The following ADAMTS16 variants were observed in gnomAD, a reference collection of about 807,000 sequenced individuals.
ADAMTS16 encodes the protein ADAM metallopeptidase with thrombospondin type 1 motif 16.
In ADAMTS16, 94 loss-of-function variants were observed where a neutral mutation model predicts 145.8. The observed-to-expected ratio is 0.64, with a 90% CI of 0.55 to 0.77. The LOEUF (loss-of-function observed/expected upper bound fraction) is 0.77, where lower values mean the gene tolerates loss of function less well. ADAMTS16 is among the 30% of genes least tolerant of loss of function. The pLI is 0.00. For synonymous variants in ADAMTS16, 659 were observed against 604.3 expected (o/e 1.09, Z -1.33); for missense variants, 1,585 against 1,591.5 (o/e 1.00, Z 0.07).
rs1243809938 is a variant in ADAMTS16, at chr5:5,306,529, C to T, written c.3212C>T (p.Thr1071Ile). 6.2e-7 allele frequency: 1 copy of T among 1,613,832 alleles called. No individual in the cohort carries two copies. The highest frequency in any genetic ancestry group is 2.2e-5 in the East Asian group (1 of 44,860). Residue 1071 changes from threonine (T) to isoleucine (I), a missense_variant, in exon 21 of 23, where the codon ACA becomes ATA. Thr to Ile is a moderately conservative substitution (Grantham distance 89, BLOSUM62 -1). Transcript: ENST00000274181. ...TGCTCTGTGACATGTGAAAGAGGAA[C>T]ACAGAAAAGATTCTTAAAATGTGCT... Reference protein sequence around the residue: ...SQCSVTCERGTQKRFLKCAEK... With the variant: ...SQCSVTCERGIQKRFLKCAEK...
chr5:5,147,281 T>A (rs1351286), intron 3 of ADAMTS16, among the ~76,000 whole-genome samples: 113,342 of 152,156 alleles, frequency 0.74, 42,347 homozygotes, highest in Admixed American at 0.81. Context: ...TGAAAATGTG[T>A]GGTCAACAGT....
At chr5:5,207,830 T>C (rs889619386) in intron 9 of ADAMTS16, among the ~76,000 whole-genome samples, 2 of 152,142 alleles carry the variant, frequency 1.3e-5, no homozygotes, top group African/African-American at 2.4e-5. Flanking sequence ...ATTACATTAA[T>C]TGACTTTAGA....
At position 5,242,115 on chromosome 5, in the gene ADAMTS16, C is replaced by T. The variant is rs77812048; in HGVS notation, c.2586C>T (p.Thr862=). The change falls in exon 17 of 23, where the codon ACC becomes ACT. Residue 862 remains threonine, a synonymous_variant. Coordinates refer to ENST00000274181, the MANE Select transcript of ADAMTS16 (RefSeq NM_139056.4). ...AWEYSMPRLG[T]EKQPPAQPSY... is the part of the protein sequence containing the mutation. ...AATACTCCATGCCTCGCTTGGGGAC[C>T]GAGAAGCAGCCCCCTGCCCAGCCCA... 0.014 allele frequency: 23,047 copies of T among 1,613,914 alleles called. 1,357 individuals are homozygous for T. The East Asian group carries it at 0.2, about 14-fold the overall frequency.
intron 21 of ADAMTS16, among the ~76,000 whole-genome samples, chr5:5,313,592 C>T (rs1375336103): frequency 6.6e-6 from 1 of 152,172 alleles, no homozygotes; most frequent in Non-Finnish European, 1.5e-5. Context: ...GGGGCTGGCT[C>T]ATTCTGGGAG....
intron 10 of ADAMTS16, among the ~76,000 whole-genome samples, chr5:5,216,214 T>G (rs1470335255): frequency 6.6e-6 from 1 of 152,108 alleles, no homozygotes; most frequent in Admixed American, 6.6e-5. Flanking sequence ...TACTGTTTTT[T>G]GATTTTTTAG....
intron 8 of ADAMTS16, among the ~76,000 whole-genome samples, chr5:5,192,645 C>T (rs1735695353): frequency 6.6e-6 from 1 of 152,110 alleles, no homozygotes; most frequent in South Asian, 2.1e-4. Flanking sequence ...CCTGGGGGCT[C>T]AACACAGAGG....
chr5:5,166,555 G>C (rs533632968), intron 3 of ADAMTS16, among the ~76,000 whole-genome samples: 2 of 152,310 alleles, frequency 1.3e-5, no homozygotes, highest in East Asian at 3.9e-4. Context: ...TATTCCCAGA[G>C]ACAACGCTGC....
At chr5:5,167,399 T>A (rs1734912142) in intron 3 of ADAMTS16, among the ~76,000 whole-genome samples, 1 of 152,324 alleles carries the variant, frequency 6.6e-6, no homozygotes, top group East Asian at 1.9e-4. Flanking sequence ...CAGGAATATA[T>A]TCAGTCCTTT....
At chr5:5,221,939 C>T (rs1325118913) in intron 10 of ADAMTS16, among the ~76,000 whole-genome samples, 3 of 152,196 alleles carry the variant, frequency 2.0e-5, no homozygotes, top group Admixed American at 2.0e-4. Context: ...TAATGCAGCA[C>T]TTGTTTAAAT....
chr5:5,191,607 A>C, intron 7 of ADAMTS16, 78 bp from the exon 8 acceptor site: 1 of 1,191,188 alleles, frequency 8.4e-7, no homozygotes, highest in Non-Finnish European at 1.2e-6. Context: ...AATTTCACTA[A>C]GGGGTAGAAA....
chr5:5,305,253 CCACA>C (rs1221144237), intron 20 of ADAMTS16, among the ~76,000 whole-genome samples: 3 of 98,344 alleles, frequency 3.1e-5, no homozygotes, highest in Non-Finnish European at 2.0e-5. Context: ...CAATCCCACA[CCACA>C]CACACAATCC....
chr5:5,214,028 T>G (rs1736349774), intron 10 of ADAMTS16, among the ~76,000 whole-genome samples: 1 of 152,202 alleles, frequency 6.6e-6, no homozygotes, highest in South Asian at 2.1e-4. Context: ...ACTGCTATCA[T>G]CCACCTGGTA....
intron 8 of ADAMTS16, among the ~76,000 whole-genome samples, chr5:5,193,750 G>A (rs964449262): frequency 1.3e-5 from 2 of 152,136 alleles, no homozygotes; most frequent in Non-Finnish European, 2.9e-5. Context: ...GTTGGAAAAA[G>A]ATTTTCTCCA....
At position 5,317,376 on chromosome 5, in the gene ADAMTS16, ATACTTACT is replaced by A. The variant is rs150411686; in HGVS notation, c.3412-743_3412-736del. Among the ~76,000 whole-genome samples, 6 of 151,928 alleles carry A rather than the reference ATACTTACT, an allele frequency of 3.9e-5. No individual in the cohort carries two copies. The highest frequency in any genetic ancestry group is 6.5e-5 in the Admixed American group (1 of 15,270). Reference sequence around the variant, plus strand: ...ATGAATATCAGCTTTTTTAATCAGTATACTTACTTACTTACTTACTTATTTATTTATTT... The same window carrying A: ...ATGAATATCAGCTTTTTTAATCAGTATACTTACTTACTTATTTATTTATTT... On this transcript the variant is annotated intron_variant, in intron 21 of 22. Coordinates refer to ENST00000274181, the MANE Select transcript of ADAMTS16 (RefSeq NM_139056.4). This position sits in a 1 kb window ranked among gnomAD's most constrained non-coding sequence, Gnocchi z 4.5.
At chr5:5,237,263 T>C (rs924993607) in intron 14 of ADAMTS16, among the ~76,000 whole-genome samples, 164 bp downstream of exon 14, 6 of 152,158 alleles carry the variant, frequency 3.9e-5, no homozygotes, top group Non-Finnish European at 7.3e-5. Context: ...GACATGCTGC[T>C]TTGCTGCAGT....
chr5:5,194,475 A>T (rs926073599), intron 8 of ADAMTS16, among the ~76,000 whole-genome samples: 1 of 152,118 alleles, frequency 6.6e-6, no homozygotes, highest in African/African-American at 2.4e-5. Flanking sequence ...CTTAGGGGAG[A>T]CTATGTGGAA....
chr5:5,140,493 G>A lies in ADAMTS16; in HGVS notation c.26G>A (p.Arg9Gln), dbSNP rs746385787. 3 of 1,517,362 alleles carry A rather than the reference G, an allele frequency of 2.0e-6. No homozygotes were observed. The highest frequency in any genetic ancestry group is 4.1e-5 in the Admixed American group (2 of 48,466). 94.0% of individuals were successfully genotyped at this position (1,517,362 alleles called of 1,614,324 possible). Reference sequence around the variant, plus strand: ...ATGAAGCCCCGCGCGCGCGGATGGCGGGGCTTGGCGGCGCTGTGGATGCTG... The same window carrying A: ...ATGAAGCCCCGCGCGCGCGGATGGCAGGGCTTGGCGGCGCTGTGGATGCTG... MKPRARGW[R>Q]GLAALWMLLA... The change falls in exon 1 of 23, where the codon CGG becomes CAG. Residue 9 changes from arginine (R) to glutamine (Q), a missense_variant. By Grantham distance (43) the Arg-to-Gln change is conservative. Transcript: ENST00000274181.
intron 9 of ADAMTS16, among the ~76,000 whole-genome samples, chr5:5,206,945 T>C (rs1736142930): frequency 1.3e-5 from 2 of 152,234 alleles, no homozygotes; most frequent in South Asian, 4.1e-4. Flanking sequence ...GATCTATTTG[T>C]CCATTCTTTG....
intron 5 of ADAMTS16, 132 bp downstream of exon 5, chr5:5,186,383 T>C (rs1735500246): frequency 1.2e-6 from 1 of 841,820 alleles, no homozygotes; most frequent in Admixed American, 2.4e-5. Flanking sequence ...ATATGAGAAA[T>C]ATTTTATTGG....
Sources: allele counts gnomAD v4.1 joint callset (sites outside exome capture counted in the v4.1 genomes callset), GRCh38; gene constraint gnomAD v4.1.1; non-coding constraint Gnocchi (gnomAD v3.1); transcripts MANE v1.5; gene names NCBI Gene and HGNC (gene_info 2026-07-23, HGNC 2026-07-21).